SCFD2: variants seen among roughly 807,000 people sequenced by gnomAD.
SCFD2 encodes the protein sec1 family domain containing 2, also known as sec1 family domain-containing protein 2.
Under a neutral mutation model 58.9 loss-of-function variants are expected in SCFD2, and 54 were observed. That is an observed-to-expected ratio of 0.92 (90% CI 0.74 to 1.15). SCFD2 has a LOEUF of 1.15. Ranked by LOEUF, SCFD2 falls within the 50% of genes most tolerant of loss-of-function variation. The pLI is 0.00. For missense variants in SCFD2, 805 were observed against 836.6 expected, an observed-to-expected ratio of 0.96 and a Z score of 0.47; for synonymous variants, 321 against 335.9, an observed-to-expected ratio of 0.96 and a Z score of 0.49.
At chr4:53,137,729 A>G (rs2148905158) in intron 5 of SCFD2, among the ~76,000 whole-genome samples, 1 of 152,350 alleles carries the variant, frequency 6.6e-6, no homozygotes, top group African/African-American at 2.4e-5. Context: ...ATCAATGAGT[A>G]ATAATGTGAG....
chr4:52,969,124 G>A (rs533333061), intron 5 of SCFD2, among the ~76,000 whole-genome samples: 5 of 152,110 alleles, frequency 3.3e-5, no homozygotes, highest in African/African-American at 7.2e-5. Context: ...TCCCTCACCC[G>A]TGATGTCTCC....
chr4:52,892,962 A>G (rs193057655), intron 7 of SCFD2, among the ~76,000 whole-genome samples: 9 of 152,344 alleles, frequency 5.9e-5, no homozygotes, highest in Admixed American at 4.6e-4. Context: ...CTTATGGATC[A>G]TGTTTAGCTA....
chr4:52,928,367 G>A (rs1719910624), intron 5 of SCFD2, among the ~76,000 whole-genome samples: 1 of 152,104 alleles, frequency 6.6e-6, no homozygotes, highest in Admixed American at 6.6e-5. Flanking sequence ...CAGACATCAG[G>A]TTTTATAGGG....
intron 5 of SCFD2, among the ~76,000 whole-genome samples, chr4:53,117,717 T>C (rs1725365121): frequency 6.6e-6 from 1 of 152,180 alleles, no homozygotes; most frequent in Admixed American, 6.5e-5. Context: ...TACAGTAAAG[T>C]TCAAGAGCAA....
At chr4:53,272,613 A>G (rs1731207388) in intron 4 of SCFD2, among the ~76,000 whole-genome samples, 1 of 151,248 alleles carries the variant, frequency 6.6e-6, no homozygotes, top group South Asian at 2.1e-4. Context: ...AAAAAACCAA[A>G]CACCGCATGT....
rs182015394 is a variant in SCFD2, at chr4:53,067,125, C to T, written c.1561+78208G>A. 5.3e-5 allele frequency among the ~76,000 whole-genome samples: 8 copies of T among 152,112 alleles called. No individual in the cohort carries two copies. The East Asian group carries it at 1.4e-3, about 26-fold the overall frequency. ...ACTTCAGGTCAAACAAAGTAGAATG[C>T]TACCTCCTCCACTAATCTTACTTGG... On this transcript the variant is annotated intron_variant, in intron 5 of 8. Coordinates refer to ENST00000401642, the MANE Select transcript of SCFD2 (RefSeq NM_152540.4).
chr4:53,202,341 C>T lies in SCFD2; in HGVS notation c.1312-56759G>A, dbSNP rs531526646. ...GTCAAAGATCAGATAGCTGTAGATA[C>T]GTGGCATTATTTCTGAGGGCTCTGT... is the stretch of plus-strand genomic sequence containing the variant. On this transcript the variant is annotated intron_variant, in intron 4 of 8. Transcript: ENST00000401642. Among the ~76,000 whole-genome samples, 1,307 of 151,808 alleles carry T rather than the reference C, an allele frequency of 8.6e-3. 16 individuals are homozygous for T. The highest frequency in any genetic ancestry group is 0.028 in the African/African-American group (1,160 of 41,412).
intron 5 of SCFD2, among the ~76,000 whole-genome samples, chr4:53,100,081 AAAC>A (rs1724789366): frequency 6.6e-6 from 1 of 152,156 alleles, no homozygotes; most frequent in Non-Finnish European, 1.5e-5. Context: ...CTGATGAAGA[AAAC>A]AATAATAATA....
intron 5 of SCFD2, among the ~76,000 whole-genome samples, chr4:52,993,488 T>G (rs1721670313): frequency 6.6e-6 from 1 of 152,278 alleles, no homozygotes; most frequent in African/African-American, 2.4e-5. Flanking sequence ...GTACTTTCAG[T>G]GGCTCACTAG....
At chr4:53,315,641 G>A (rs1732840207) in intron 2 of SCFD2, among the ~76,000 whole-genome samples, 1 of 152,168 alleles carries the variant, frequency 6.6e-6, no homozygotes, top group Non-Finnish European at 1.5e-5. Flanking sequence ...GCAGGCAATT[G>A]AAGAACCATG....
At chr4:52,888,435 C>T (rs148216406) in intron 7 of SCFD2, among the ~76,000 whole-genome samples, 92 of 152,268 alleles carry the variant, frequency 6.0e-4, no homozygotes, top group African/African-American at 2.0e-3. Context: ...CCTCTGTTTC[C>T]CCCGACCAAT....
intron 7 of SCFD2, among the ~76,000 whole-genome samples, chr4:52,888,376 A>G (rs1311919496): frequency 1.3e-5 from 2 of 152,136 alleles, no homozygotes; most frequent in Non-Finnish European, 2.9e-5. Flanking sequence ...AAAAGTTTCA[A>G]AACACTCTCA....
At chr4:53,335,272 G>C (rs1454179248) in intron 2 of SCFD2, among the ~76,000 whole-genome samples, 1 of 147,600 alleles carries the variant, frequency 6.8e-6, no homozygotes, top group Non-Finnish European at 1.5e-5. Flanking sequence ...ATTCCTGCCA[G>C]AAATACATAA....
At chr4:52,875,917 G>A (rs191454718) in intron 8 of SCFD2, among the ~76,000 whole-genome samples, 1 of 140,672 alleles carries the variant, frequency 7.1e-6, no homozygotes, top group East Asian at 2.1e-4. Context: ...TGTGTTTCAC[G>A]ATTTTCCTTG....
intron 4 of SCFD2, among the ~76,000 whole-genome samples, chr4:53,267,420 T>A (rs1017165942): frequency 6.6e-6 from 1 of 152,224 alleles, no homozygotes; most frequent in Non-Finnish European, 1.5e-5. Flanking sequence ...CAAAGAGCAT[T>A]CCGATGATCA....
At chr4:53,255,325 C>T (rs939656700) in intron 4 of SCFD2, among the ~76,000 whole-genome samples, 3 of 151,990 alleles carry the variant, frequency 2.0e-5, no homozygotes, top group African/African-American at 7.2e-5. Flanking sequence ...AAGTGAACAA[C>T]GGTCTCTGGT....
chr4:53,330,210 G>A (rs1312390231), intron 2 of SCFD2, among the ~76,000 whole-genome samples: 3 of 152,128 alleles, frequency 2.0e-5, no homozygotes, highest in East Asian at 1.9e-4. Flanking sequence ...ATCTCGCAAG[G>A]CAAGCCAACG....
chr4:53,227,495 T>TA lies in SCFD2; in HGVS notation c.1311+46330dup, dbSNP rs1461176523. Among the ~76,000 whole-genome samples, 18 of 152,304 alleles carry TA rather than the reference T, an allele frequency of 1.2e-4. No homozygotes were observed. The East Asian group carries it at 3.5e-3, about 29-fold the overall frequency. ...TCTTCCAAAAATGAGAATCTTGGTA[T>TA]AAAAACGGCTAAGATTTTGAAGTAA... On this transcript the variant is annotated intron_variant, in intron 4 of 8. Coordinates refer to ENST00000401642, the MANE Select transcript of SCFD2 (RefSeq NM_152540.4).
At chr4:53,164,822 G>C (rs1265334003) in intron 4 of SCFD2, among the ~76,000 whole-genome samples, 1 of 148,294 alleles carries the variant, frequency 6.7e-6, no homozygotes, top group African/African-American at 2.5e-5. Context: ...AGAAGAAGAA[G>C]AAGAAGAAGG....
Sources: allele counts gnomAD v4.1 joint callset (sites outside exome capture counted in the v4.1 genomes callset), GRCh38; gene constraint gnomAD v4.1.1; transcripts MANE v1.5; gene names NCBI Gene and HGNC (gene_info 2026-07-23, HGNC 2026-07-21).